The following ZBTB20 variants were observed in gnomAD, a reference collection of about 807,000 sequenced individuals.
ZBTB20 encodes zinc finger and BTB domain-containing protein 20.
Under a neutral mutation model 56.9 loss-of-function variants are expected in ZBTB20, and 9 were observed. That is an observed-to-expected ratio of 0.16 (90% CI 0.10 to 0.28). The LOEUF is 0.28. ZBTB20 is among the 10% of genes least tolerant of loss of function. The pLI is 1.00. For missense variants in ZBTB20, 655 were observed against 1,003.0 expected (o/e 0.65, Z 4.69); for synonymous variants, 417 against 420.7 (o/e 0.99, Z 0.11).
At chr3:114,559,994 A>T (rs1038807025) in intron 6 of ZBTB20, among the ~76,000 whole-genome samples, 14 of 152,172 alleles carry the variant, frequency 9.2e-5, no homozygotes, top group South Asian at 2.1e-4. Flanking sequence ...CACCAGACAG[A>T]CAATATGAAA....
At chr3:114,803,366 T>C (rs1183809576) in intron 4 of ZBTB20, among the ~76,000 whole-genome samples, 1 of 151,844 alleles carries the variant, frequency 6.6e-6, no homozygotes, top group Non-Finnish European at 1.5e-5. Context: ...CGAGGAGAAC[T>C]GAAATTTATT....
At chr3:114,478,299 A>T (rs1379747942) in intron 7 of ZBTB20, among the ~76,000 whole-genome samples, 1 of 152,210 alleles carries the variant, frequency 6.6e-6, no homozygotes, top group Admixed American at 6.5e-5. Flanking sequence ...TATTCCTCAG[A>T]GGCAGATATG....
In ZBTB20 at chr3:114,948,615, ACTCT is replaced by A. The variant is rs139677520; in HGVS notation, c.-456+25747_-456+25750del. 6.4e-5 allele frequency among the ~76,000 whole-genome samples: 9 copies of A among 141,482 alleles called. No homozygotes were observed. In the East Asian group the frequency reaches 7.8e-4, roughly 12 times the overall value. The allele number at this position is 141,482 out of a possible 152,430, so 92.8% of individuals were successfully genotyped here. A position where few individuals can be genotyped will look rare whatever the true frequency, so the allele number is the denominator to read the frequency against. On this transcript the variant is annotated intron_variant, in intron 3 of 11. Coordinates refer to ENST00000675478, the MANE Select transcript of ZBTB20 (RefSeq NM_001348800.3). ...TCTCTCTCTCTCCTCTCTCTTTCTG[ACTCT>A]CTCTCTCTCTCTGTGTCATAGATAG...
Position 114,339,517 on chromosome 3 carries a change from A to G in ZBTB20, c.1805-91T>C, listed in dbSNP as rs1030365035. ...GACAGGAAAAACAAGACAACAAAAA[A>G]GAAAAATAAAACAATTAAAAAATAA... On this transcript the variant is annotated intron_variant, in intron 11 of 11. Transcript: ENST00000675478. This position sits in a 1 kb window ranked among gnomAD's most constrained non-coding sequence, Gnocchi z 4.2. The G allele has an allele frequency of 2.6e-5, 35 of 1,371,574 alleles. 1 individual carries two copies. The highest frequency in any genetic ancestry group is 3.4e-5 in the Non-Finnish European group (35 of 1,027,914). The allele number at this position is 1,371,574 out of a possible 1,614,324, so 85.0% of individuals were successfully genotyped here.
intron 2 of ZBTB20, among the ~76,000 whole-genome samples, chr3:114,985,167 GCTAT>G (rs1480324342): frequency 6.6e-6 from 1 of 152,038 alleles, no homozygotes; most frequent in African/African-American, 2.4e-5. Context: ...CATTAAGGAG[GCTAT>G]CTGTCTTATT....
At chr3:114,561,947 T>C (rs2052111714) in intron 6 of ZBTB20, among the ~76,000 whole-genome samples, 2 of 152,150 alleles carry the variant, frequency 1.3e-5, no homozygotes. Context: ...TCATCAATTA[T>C]CTTAGCTAGA....
intron 4 of ZBTB20, among the ~76,000 whole-genome samples, chr3:114,885,832 A>G (rs1393145186): frequency 6.6e-6 from 1 of 152,220 alleles, no homozygotes; most frequent in Non-Finnish European, 1.5e-5. Flanking sequence ...GAAGTGCACC[A>G]AAAGAGCTGA....
intron 2 of ZBTB20, among the ~76,000 whole-genome samples, chr3:115,004,926 A>AT (rs1276525952): frequency 6.6e-6 from 1 of 151,692 alleles, no homozygotes; most frequent in African/African-American, 2.4e-5. Context: ...CATGCAACTT[A>AT]TTTACTTATC....
intron 6 of ZBTB20, among the ~76,000 whole-genome samples, chr3:114,649,836 T>C (rs1481176203): frequency 1.3e-5 from 2 of 152,086 alleles, no homozygotes; most frequent in African/African-American, 4.8e-5. Context: ...AAAAGGCTGA[T>C]TGGAGATTTC....
At chr3:114,927,011 C>A (rs965382796) in intron 3 of ZBTB20, among the ~76,000 whole-genome samples, 4 of 152,090 alleles carry the variant, frequency 2.6e-5, no homozygotes, top group Admixed American at 2.6e-4. Flanking sequence ...TCCCAAAGTG[C>A]TGGGATTATA....
At chr3:114,479,968 T>A (rs904670312) in intron 7 of ZBTB20, among the ~76,000 whole-genome samples, 1 of 152,246 alleles carries the variant, frequency 6.6e-6, no homozygotes, top group Non-Finnish European at 1.5e-5. Context: ...TAGACCTTGA[T>A]GGTACAATGA....
intron 4 of ZBTB20, among the ~76,000 whole-genome samples, chr3:114,868,024 A>G (rs2075837626): frequency 6.6e-6 from 1 of 152,192 alleles, no homozygotes; most frequent in Non-Finnish European, 1.5e-5. Context: ...GTACAGGAAG[A>G]AAATAAGTAA....
chr3:115,146,653 G>A (rs918156484), intron 1 of ZBTB20, among the ~76,000 whole-genome samples: 1 of 152,242 alleles, frequency 6.6e-6, no homozygotes, highest in South Asian at 2.1e-4. Context: ...AGCGGCTGTG[G>A]GGCCAGGACA....
chr3:115,140,500 G>A (rs1485150769), intron 1 of ZBTB20, among the ~76,000 whole-genome samples: 1 of 151,872 alleles, frequency 6.6e-6, no homozygotes, highest in Non-Finnish European at 1.5e-5. Context: ...TTGTCTAAAG[G>A]AAGCCTGAGA....
chr3:114,986,165 T>TG lies in ZBTB20; in HGVS notation c.-506-11750dup, dbSNP rs532724357. 5.6e-4 allele frequency among the ~76,000 whole-genome samples: 85 copies of TG among 152,040 alleles called. 1 individual carries two copies. The highest frequency in any genetic ancestry group is 3.1e-3 in the Admixed American group (47 of 15,214). On this transcript the variant is annotated intron_variant, in intron 2 of 11. Coordinates refer to ENST00000675478, the MANE Select transcript of ZBTB20 (RefSeq NM_001348800.3). ...TGCTTTTATATGAAATATATGTGTA[T>TG]GGGGGGGTTGGAAAAGATTACGGGA... is the stretch of plus-strand genomic sequence containing the variant.
intron 1 of ZBTB20, among the ~76,000 whole-genome samples, chr3:115,079,725 G>A (rs1283550167): frequency 6.6e-6 from 1 of 152,102 alleles, no homozygotes; most frequent in Non-Finnish European, 1.5e-5. Flanking sequence ...TGTTTATCAA[G>A]AAGTTTAAGT....
At chr3:114,771,417 T>TA (rs1037226484) in intron 5 of ZBTB20, among the ~76,000 whole-genome samples, 2 of 151,890 alleles carry the variant, frequency 1.3e-5, no homozygotes, top group East Asian at 1.9e-4. Flanking sequence ...GTAATTAAAG[T>TA]AAAAAAAATA....
chr3:114,496,073 A>G (rs1190861900), intron 7 of ZBTB20, among the ~76,000 whole-genome samples: 1 of 152,164 alleles, frequency 6.6e-6, no homozygotes, highest in African/African-American at 2.4e-5. Flanking sequence ...ACCATCACAA[A>G]AAGAGTGGTT....
At chr3:114,572,396 C>T (rs1364888700) in intron 6 of ZBTB20, among the ~76,000 whole-genome samples, 3 of 152,184 alleles carry the variant, frequency 2.0e-5, no homozygotes, top group African/African-American at 7.2e-5. Flanking sequence ...CTCTCAAAAA[C>T]TAGGCTAAGA....
Sources: gnomAD v4.1 joint callset for allele counts (sites outside exome capture counted in the v4.1 genomes callset) on GRCh38, gnomAD v4.1.1 for gene constraint, Gnocchi (gnomAD v3.1) non-coding constraint, MANE v1.5 for transcripts, NCBI Gene and HGNC (gene_info 2026-07-23, HGNC 2026-07-21) for gene names.